Variants in COL22A1 observed in about 807,000 individuals in gnomAD.
COL22A1 encodes the protein collagen alpha-1(XXII) chain.
In COL22A1, 221 loss-of-function variants were observed where a neutral mutation model predicts 248.9. The observed-to-expected ratio is 0.89, with a 90% CI of 0.80 to 0.99. The LOEUF (loss-of-function observed/expected upper bound fraction) is 0.99, where lower values mean the gene tolerates loss of function less well. Among genes scored for constraint, COL22A1 ranks in the 50% least tolerant of loss-of-function variants. The pLI, the probability that COL22A1 is intolerant of heterozygous loss-of-function variation, is 0.00. For synonymous variants in COL22A1, 891 were observed against 793.4 expected (o/e 1.12, Z -2.07); for missense variants, 2,240 against 2,179.0 (o/e 1.03, Z -0.56).
chr8:138,826,382 C>A (rs1819581103), intron 6 of COL22A1, among the ~76,000 whole-genome samples: 1 of 152,120 alleles, frequency 6.6e-6, no homozygotes, highest in African/African-American at 2.4e-5. Flanking sequence ...GTGTCCATGT[C>A]CTTGGCTAGA....
chr8:138,865,937 G>A (rs970125559), intron 3 of COL22A1, among the ~76,000 whole-genome samples: 1 of 151,470 alleles, frequency 6.6e-6, no homozygotes, highest in Non-Finnish European at 1.5e-5. Context: ...GTGTGTGTAT[G>A]TTTGTGTATG....
chr8:138,718,427 C>T (rs530433975), intron 27 of COL22A1, among the ~76,000 whole-genome samples: 2 of 152,268 alleles, frequency 1.3e-5, no homozygotes, highest in African/African-American at 4.8e-5. Context: ...AAATTGAAGA[C>T]CATCTGAAGT....
intron 14 of COL22A1, 138 bp from the exon 15 acceptor site, chr8:138,778,544 C>T (rs1814684583): frequency 1.4e-6 from 1 of 713,944 alleles, no homozygotes; most frequent in Admixed American, 3.2e-5. Context: ...ATGCTGTTGG[C>T]ACAGGTCTCG....
chr8:138,704,951 T>C (rs1828292438), intron 30 of COL22A1, among the ~76,000 whole-genome samples: 1 of 152,184 alleles, frequency 6.6e-6, no homozygotes, highest in Admixed American at 6.5e-5. Flanking sequence ...CTGATGGAGC[T>C]GAAAACCATG....
At position 138,715,714 on chromosome 8, in the gene COL22A1, G is replaced by T. The variant is rs762725157; in HGVS notation, c.2485C>A (p.Leu829Ile). 1.9e-6 allele frequency: 3 copies of T among 1,612,360 alleles called. No individual in the cohort carries two copies. The highest frequency in any genetic ancestry group is 2.5e-6 in the Non-Finnish European group (3 of 1,178,928). Residue 829 changes from leucine (L) to isoleucine (I), a missense_variant, in exon 30 of 65, where the codon CTT becomes ATT. By Grantham distance (5) the Leu-to-Ile change is conservative. Transcript: ENST00000303045. ...GDQGEKGELG[L>I]PGLKGDRGEK... ...CCTCGGTCACCTTTCAGTCCTGGAA[G>T]TCCCAGTTCACCTTTTTCTCCCTAT...
At chr8:138,870,880 C>G (rs1366133678) in intron 3 of COL22A1, among the ~76,000 whole-genome samples, 3 of 151,176 alleles carry the variant, frequency 2.0e-5, no homozygotes, top group African/African-American at 7.3e-5. Flanking sequence ...TGTCTGTGTG[C>G]ATGTGCTTCT....
intron 3 of COL22A1, among the ~76,000 whole-genome samples, chr8:138,868,430 T>C (rs1489410581): frequency 1.3e-5 from 2 of 152,166 alleles, no homozygotes; most frequent in African/African-American, 4.8e-5. Flanking sequence ...TGTATGGTAT[T>C]GCAGTTTCAG....
chr8:138,661,582 A>C (rs749238547), intron 43 of COL22A1, among the ~76,000 whole-genome samples: 7 of 152,186 alleles, frequency 4.6e-5, no homozygotes, highest in Non-Finnish European at 7.4e-5. Context: ...ACAAGAGATG[A>C]CTGTCATTGT....
intron 36 of COL22A1, among the ~76,000 whole-genome samples, 194 bp from the exon 37 acceptor site, chr8:138,689,164 G>GC (rs997519692): frequency 6.2e-5 from 9 of 146,194 alleles, no homozygotes; most frequent in East Asian, 2.0e-4. Flanking sequence ...CTCCCGGGGG[G>GC]GGGGCTGGCC....
rs566632615 is a variant in COL22A1, at chr8:138,620,938, C to G, written c.3772-1430G>C. 2.7e-5 allele frequency among the ~76,000 whole-genome samples: 4 copies of G among 147,108 alleles called. No homozygotes were observed. The Admixed American group carries it at 2.8e-4, about 10-fold the overall frequency. On this transcript the variant is annotated intron_variant, in intron 52 of 64. Transcript: ENST00000303045. Reference sequence around the variant, plus strand: ...CCATCCATCCATCCATTCAACCAACCAAGCATCCATCCATCCATCCATCCA... The same window carrying G: ...CCATCCATCCATCCATTCAACCAACGAAGCATCCATCCATCCATCCATCCA...
intron 53 of COL22A1, 126 bp from the exon 54 acceptor site, chr8:138,617,084 C>T: frequency 1.1e-6 from 1 of 947,786 alleles, no homozygotes; most frequent in Non-Finnish European, 1.7e-6. Flanking sequence ...TTGCAGGATA[C>T]TGAGCCCTAC....
intron 21 of COL22A1, among the ~76,000 whole-genome samples, chr8:138,753,854 A>T (rs770298854): frequency 6.6e-6 from 1 of 152,248 alleles, no homozygotes; most frequent in Non-Finnish European, 1.5e-5. Context: ...TTGCCTCATG[A>T]TTAAGCAGAG....
intron 47 of COL22A1, among the ~76,000 whole-genome samples, chr8:138,640,770 T>C (rs1370252925): frequency 6.6e-6 from 1 of 152,314 alleles, no homozygotes; most frequent in East Asian, 1.9e-4. Flanking sequence ...CGCATTCTCA[T>C]TATGAGACAG....
chr8:138,659,338 A>C (rs1257793659), intron 44 of COL22A1, among the ~76,000 whole-genome samples: 2 of 152,144 alleles, frequency 1.3e-5, no homozygotes, highest in Non-Finnish European at 2.9e-5. Flanking sequence ...GGGGTCATCC[A>C]CACCCACAGG....
chr8:138,626,032 TAAAC>T (rs1323266153), intron 51 of COL22A1, among the ~76,000 whole-genome samples, 154 bp downstream of exon 51: 1 of 152,264 alleles, frequency 6.6e-6, no homozygotes, highest in Non-Finnish European at 1.5e-5. Context: ...CTTTGACTGA[TAAAC>T]AAGTTAGTGA....
chr8:138,863,962 T>C (rs539281876), intron 3 of COL22A1, among the ~76,000 whole-genome samples: 4 of 152,252 alleles, frequency 2.6e-5, no homozygotes, highest in Admixed American at 2.0e-4. Context: ...TTTCACAAAC[T>C]GTATTCTTTC....
intron 10 of COL22A1, 70 bp downstream of exon 10, chr8:138,807,698 G>T: frequency 1.4e-6 from 2 of 1,449,768 alleles, no homozygotes; most frequent in Non-Finnish European, 9.6e-7. Flanking sequence ...ACCATCTTTT[G>T]TCTTATATAG....
chr8:138,764,386 G>A (rs1270382293), intron 16 of COL22A1, among the ~76,000 whole-genome samples: 1 of 152,204 alleles, frequency 6.6e-6, no homozygotes, highest in Non-Finnish European at 1.5e-5. Context: ...TACTGCCCAG[G>A]ATGGGCAGGG....
At chr8:138,741,577 C>T (rs1484909058) in intron 22 of COL22A1, among the ~76,000 whole-genome samples, 6 of 152,162 alleles carry the variant, frequency 3.9e-5, no homozygotes, top group Admixed American at 3.9e-4. Context: ...CACAATAAAG[C>T]ATCCCTCAAC....
Sources: gnomAD v4.1 joint callset for allele counts (sites outside exome capture counted in the v4.1 genomes callset) on GRCh38, gnomAD v4.1.1 for gene constraint, MANE v1.5 for transcripts, NCBI Gene and HGNC (gene_info 2026-07-23, HGNC 2026-07-21) for gene names.